The following ASB3 variants were observed in gnomAD, a reference collection of about 807,000 sequenced individuals.
ASB3 encodes ankyrin repeat and SOCS box protein 3.
A neutral mutation model predicts 54.5 loss-of-function variants in ASB3; 41 were observed. The observed-to-expected ratio is 0.75, with a 90% CI of 0.59 to 0.98. ASB3 has a LOEUF of 0.98. Ranked by LOEUF, ASB3 falls within the 50% of genes least tolerant of loss-of-function variation. The probability of loss-of-function intolerance (pLI) is 0.00; values close to 1 mark genes in which losing one functional copy is unlikely to be tolerated. For missense variants in ASB3, 733 were observed against 620.0 expected (o/e 1.18, Z -1.94); for synonymous variants, 266 against 221.2 (o/e 1.20, Z -1.80).
chr2:53,703,335 C>A (rs1323684446), intron 7 of ASB3, among the ~76,000 whole-genome samples: 1 of 152,208 alleles, frequency 6.6e-6, no homozygotes. Flanking sequence ...GTGGAGGAGA[C>A]ACCTTTCCAT....
rs1435700684 is a variant in ASB3, at chr2:53,712,195, A to G, written c.980+2189T>C. Among the ~76,000 whole-genome samples, 3 of 151,690 alleles carry G rather than the reference A, an allele frequency of 2.0e-5. No homozygotes were observed. The East Asian group carries it at 5.8e-4, about 29-fold the overall frequency. On this transcript the variant is annotated intron_variant, in intron 7 of 9. Transcript: ENST00000263634. ...GAAAAAAATAGGAACCTTCCCTTCC[A>G]TGAGTCTCTATAAAAAAATACAAAA...
At chr2:53,734,874 G>C (rs537287891) in intron 3 of ASB3, among the ~76,000 whole-genome samples, 1 of 149,726 alleles carries the variant, frequency 6.7e-6, no homozygotes, top group East Asian at 2.0e-4. Flanking sequence ...CCAGGATTCT[G>C]TCTTCAATCT....
intron 3 of ASB3, among the ~76,000 whole-genome samples, chr2:53,746,301 T>G (rs1672218093): frequency 6.6e-6 from 1 of 151,690 alleles, no homozygotes; most frequent in Non-Finnish European, 1.5e-5. Flanking sequence ...CATCAAAAAA[T>G]AAAAAAAGGT....
intron 3 of ASB3, among the ~76,000 whole-genome samples, chr2:53,745,284 G>A (rs1350782801): frequency 6.6e-6 from 1 of 152,128 alleles, no homozygotes; most frequent in Admixed American, 6.5e-5. Flanking sequence ...AAGGCAGCAA[G>A]ACTCCTTGTT....
chr2:53,765,683 C>G, intron 1 of ASB3, 98 bp from the exon 2 acceptor site: 1 of 1,401,416 alleles, frequency 7.1e-7, no homozygotes, highest in South Asian at 1.3e-5. Context: ...GTATCTCTCA[C>G]ATGACTGACG....
chr2:53,768,741 C>G (rs777873525), intron 1 of ASB3, among the ~76,000 whole-genome samples: 10 of 152,170 alleles, frequency 6.6e-5, no homozygotes, highest in Non-Finnish European at 1.0e-4. Flanking sequence ...TTCATTGATT[C>G]ACTTTTCAGT....
intron 7 of ASB3, among the ~76,000 whole-genome samples, chr2:53,711,631 G>A (rs935396574): frequency 2.6e-5 from 4 of 152,222 alleles, no homozygotes; most frequent in South Asian, 2.1e-4. Flanking sequence ...AAAAGTAGCT[G>A]AGCATGGTGG....
intron 6 of ASB3, among the ~76,000 whole-genome samples, chr2:53,715,275 A>C (rs1026146050): frequency 6.6e-6 from 1 of 152,150 alleles, no homozygotes; most frequent in African/African-American, 2.4e-5. Flanking sequence ...GGACTATTCT[A>C]CCCTTCTAAA....
chr2:53,703,484 G>A (rs17520505), intron 7 of ASB3, among the ~76,000 whole-genome samples: 24,780 of 152,086 alleles, frequency 0.16, 2,102 homozygotes, highest in South Asian at 0.23. Context: ...TAAAACCTGG[G>A]GCACCTTAGG....
chr2:53,754,508 T>C (rs984735785), intron 2 of ASB3, among the ~76,000 whole-genome samples: 5 of 152,344 alleles, frequency 3.3e-5, no homozygotes, highest in East Asian at 1.9e-4. Flanking sequence ...ACTTGAGATC[T>C]TGAAATATTT....
intron 9 of ASB3, among the ~76,000 whole-genome samples, chr2:53,690,133 G>A (rs1456753724): frequency 6.6e-6 from 1 of 152,086 alleles, no homozygotes; most frequent in Non-Finnish European, 1.5e-5. Flanking sequence ...CTACTCGGGA[G>A]GCTGAGGTGG....
intron 1 of ASB3, among the ~76,000 whole-genome samples, chr2:53,773,709 G>A (rs375966142): frequency 4.0e-4 from 60 of 151,790 alleles, no homozygotes; most frequent in Admixed American, 1.4e-3. Context: ...TATTACAGGC[G>A]TGAGCCACCG....
At chr2:53,772,061 TTC>T in intron 1 of ASB3, 1 of 632,032 alleles carries the variant, frequency 1.6e-6, no homozygotes, top group South Asian at 2.3e-5. Flanking sequence ...TTTAGAATTC[TTC>T]TCTGTATTTG....
At chr2:53,743,325 T>C (rs772616602) in intron 3 of ASB3, among the ~76,000 whole-genome samples, 159 of 152,064 alleles carry the variant, frequency 1.0e-3, no homozygotes, top group Non-Finnish European at 2.0e-3. Flanking sequence ...ATTTTGAACA[T>C]GTAAAAACTC....
intron 3 of ASB3, among the ~76,000 whole-genome samples, chr2:53,747,152 T>C (rs956155039): frequency 2.6e-5 from 4 of 152,102 alleles, no homozygotes; most frequent in African/African-American, 9.7e-5. Context: ...ATAATAATAA[T>C]AATAATTTGA....
At chr2:53,753,392 G>A (rs1241900088) in intron 2 of ASB3, among the ~76,000 whole-genome samples, 1 of 152,156 alleles carries the variant, frequency 6.6e-6, no homozygotes, top group East Asian at 1.9e-4. Context: ...GGAGAGGAAG[G>A]TTACATATAA....
rs187982978 is a variant in ASB3 at position 53,772,882 on chromosome 2, G to A, written c.-13-7297C>T. On this transcript the variant is annotated intron_variant, in intron 1 of 9. Transcript: ENST00000263634. ...CCCTCCTCCCACCCTCCACCCTCCC[G>A]TAGACCCCAGTAGAACCTGTGATTT... is the stretch of plus-strand genomic sequence containing the variant. Among the ~76,000 whole-genome samples, 1,471 of 148,302 alleles carry A rather than the reference G, an allele frequency of 9.9e-3. 11 individuals carry two copies. The highest frequency in any genetic ancestry group is 0.017 in the Non-Finnish European group (1,169 of 67,016).
intron 9 of ASB3, among the ~76,000 whole-genome samples, chr2:53,682,233 T>C (rs1668414475): frequency 6.6e-6 from 1 of 152,100 alleles, no homozygotes; most frequent in African/African-American, 2.4e-5. Flanking sequence ...TTGATAGGAA[T>C]TGCATTGAAT....
intron 3 of ASB3, among the ~76,000 whole-genome samples, chr2:53,736,012 A>G (rs1205081279): frequency 3.3e-5 from 5 of 151,948 alleles, no homozygotes; most frequent in Admixed American, 1.3e-4. Context: ...AAAAAAAAAA[A>G]AAGAAAGGAA....
Sources: allele counts gnomAD v4.1 joint callset (sites outside exome capture counted in the v4.1 genomes callset), GRCh38; gene constraint gnomAD v4.1.1; transcripts MANE v1.5; gene names NCBI Gene and HGNC (gene_info 2026-07-23, HGNC 2026-07-21).